The following NAT8L variants were observed in gnomAD, a reference collection of about 807,000 sequenced individuals.
NAT8L encodes the protein aspartate N-acetyltransferase, also known as N-acetylaspartate synthetase.
A neutral mutation model predicts 21.2 loss-of-function variants in NAT8L; 6 were observed. That is an observed-to-expected ratio of 0.28 (90% confidence interval 0.16 to 0.56). NAT8L has a LOEUF of 0.56. Ranked by LOEUF, NAT8L falls within the 20% of genes least tolerant of loss-of-function variation. The pLI, the probability that NAT8L is intolerant of heterozygous loss-of-function variation, is 0.93. For synonymous variants in NAT8L, 239 were observed against 204.9 expected, an observed-to-expected ratio of 1.17 and a Z score of -1.42; for missense variants, 331 against 433.3, an observed-to-expected ratio of 0.76 and a Z score of 2.10.
rs1729847524 is a variant in NAT8L at position 2,061,041 on chromosome 4, G to A, written c.420G>A (p.Leu140=). ...GCCGCTCGCTGCTGCTGACGTGCCT[G>A]GTGCCGGCCGCGCTGCTGGGCCTGC... ...AVSRSLLLTC[L]VPAALLGLRY... The change falls in exon 2 of 3, where the codon CTG becomes CTA. Residue 140 remains leucine, a synonymous_variant. Transcript: ENST00000423729. The A allele has an allele frequency of 6.3e-7, 1 of 1,588,424 alleles. No homozygotes were observed. The highest frequency in any genetic ancestry group is 1.3e-5 in the African/African-American group (1 of 74,096).
Position 2,061,089 on chromosome 4 carries a change from G to C in NAT8L, c.468G>C (p.Val156=), listed in dbSNP as rs543109424. 6 of 1,610,956 alleles carry C rather than the reference G, an allele frequency of 3.7e-6. No individual in the cohort carries two copies. The highest frequency in any genetic ancestry group is 1.3e-5 in the African/African-American group (1 of 74,994). ...TGCGCTACTACTACAGCCGCAAGGT[G>C]ATCCGCGCCTACCTGGAGTGCGCGC... is the stretch of plus-strand genomic sequence containing the variant. The part of the protein sequence containing the change: ...LGLRYYYSRK[V]IRAYLECALH... Residue 156 remains valine (V), a synonymous_variant, in exon 2 of 3, where the codon GTG becomes GTC. Coordinates refer to ENST00000423729, the MANE Select transcript of NAT8L (RefSeq NM_178557.4).
intron 2 of NAT8L, among the ~76,000 whole-genome samples, chr4:2,062,075 T>C (rs1729904670): frequency 6.6e-6 from 1 of 151,984 alleles, no homozygotes. Context: ...AAACGGGCCA[T>C]GAGGAAGCAC....
At position 2,060,091 on chromosome 4, in the gene NAT8L, G is replaced by A. The variant is rs1048552051; in HGVS notation, c.376+204G>A. ...CCCGAGCGGGCCGGAGCCGGGGAGG[G>A]TCCGGGGTCCGCACCTGCGTCCCCG... On this transcript the variant is annotated intron_variant, in intron 1 of 2. Coordinates refer to ENST00000423729, the MANE Select transcript of NAT8L (RefSeq NM_178557.4). This position sits in a 1 kb window ranked among gnomAD's most constrained non-coding sequence, Gnocchi z 4.7. Among the ~76,000 whole-genome samples the A allele has an allele frequency of 6.6e-6, 1 of 151,832 alleles. No homozygotes were observed. Among genetic ancestry groups the A allele is most frequent in the Admixed American group, 6.6e-5 (1 of 15,264 alleles).
At position 2,059,376 on chromosome 4, in the gene NAT8L, TGCCGCCGCC is replaced by T. The variant is rs903081255; in HGVS notation, c.-124_-116del. On this transcript the variant is annotated 5_prime_UTR_variant, in exon 1 of 3. Transcript: ENST00000423729. The surrounding 1 kb of genome is among the most constrained non-coding windows in gnomAD (Gnocchi z 4.8). ...CCGCCTCCGCCCCGCGCCCCTGAGC[TGCCGCCGCC>T]GCCGCCGCCGCTGCCGCCGCCGCCG... The T allele has an allele frequency of 1.8e-5, 3 of 163,712 alleles. No individual in the cohort carries two copies. The highest frequency in any genetic ancestry group is 3.6e-5 in the Non-Finnish European group (3 of 84,360). The allele number at this position is 163,712 out of a possible 1,614,324, so 10.1% of individuals were successfully genotyped here.
chr4:2,060,859 T>C lies in NAT8L; in HGVS notation c.377-139T>C, dbSNP rs1027457040. On this transcript the variant is annotated intron_variant, in intron 1 of 2. Transcript: ENST00000423729. This position sits in a 1 kb window ranked among gnomAD's most constrained non-coding sequence, Gnocchi z 4.7. ...CAGGAAGCTTGGAAATAGGGAGAAGTAGAAAGCACCCGAGATGACCCCGGC... is the reference window on the plus strand; with the variant it reads ...CAGGAAGCTTGGAAATAGGGAGAAGCAGAAAGCACCCGAGATGACCCCGGC... 3 of 452,146 alleles carry C rather than the reference T, an allele frequency of 6.6e-6. No homozygotes were observed. Among genetic ancestry groups the C allele is most frequent in the South Asian group, 3.6e-5 (1 of 27,766 alleles). The allele number at this position is 452,146 out of a possible 1,614,324, so 28.0% of individuals were successfully genotyped here. A position where few individuals can be genotyped will look rare whatever the true frequency, so the allele number is the denominator to read the frequency against.
chr4:2,064,177 C>T lies in NAT8L; in HGVS notation c.*50C>T, dbSNP rs1228713478. 9 of 1,207,766 alleles carry T rather than the reference C, an allele frequency of 7.5e-6. No homozygotes were observed. The highest frequency in any genetic ancestry group is 8.3e-6 in the Non-Finnish European group (8 of 965,992). The allele number at this position is 1,207,766 out of a possible 1,614,324, so 74.8% of individuals were successfully genotyped here. A position where few individuals can be genotyped will look rare whatever the true frequency, so the allele number is the denominator to read the frequency against. On this transcript the variant is annotated 3_prime_UTR_variant, in exon 3 of 3. Coordinates refer to ENST00000423729, the MANE Select transcript of NAT8L (RefSeq NM_178557.4). ...CCCCGGCCGCCCTGTCCGCCTTTGC[C>T]CGCCTGCCCGCCGCCCGGCGCGGCC...
At position 2,060,170 on chromosome 4, in the gene NAT8L, G is replaced by GTGGCCCC. The variant is rs1176614068; in HGVS notation, c.376+286_376+287insCCCCTGG. On this transcript the variant is annotated intron_variant, in intron 1 of 2. Transcript: ENST00000423729. This position sits in a 1 kb window ranked among gnomAD's most constrained non-coding sequence, Gnocchi z 4.7. Reference sequence around the variant, plus strand: ...CCCTGTCCCCTCCCGGGCATCCTGGGTGGGGGCGGGTGCCAGGGCAGGTAG... The same window carrying GTGGCCCC: ...CCCTGTCCCCTCCCGGGCATCCTGGGTGGCCCCTGGGGGCGGGTGCCAGGGCAGGTAG... Among the ~76,000 whole-genome samples the GTGGCCCC allele has an allele frequency of 1.3e-5, 2 of 152,044 alleles. No individual in the cohort carries two copies. Among genetic ancestry groups the GTGGCCCC allele is most frequent in the African/African-American group, 4.8e-5 (2 of 41,442 alleles).
intron 2 of NAT8L, among the ~76,000 whole-genome samples, 184 bp from the exon 3 acceptor site, chr4:2,063,576 C>G (rs911733542): frequency 1.3e-5 from 2 of 152,214 alleles, no homozygotes; most frequent in African/African-American, 4.8e-5. Flanking sequence ...AGTGGCTGCC[C>G]CCTCCCTTGG....
rs915792210 is a variant in NAT8L at position 2,064,136 on chromosome 4, G to A, written c.*9G>A. The A allele has an allele frequency of 2.9e-5, 44 of 1,535,168 alleles. No homozygotes were observed. Among genetic ancestry groups the A allele is most frequent in the East Asian group, 2.5e-4 (10 of 40,638 alleles). On this transcript the variant is annotated 3_prime_UTR_variant, in exon 3 of 3. Coordinates refer to ENST00000423729, the MANE Select transcript of NAT8L (RefSeq NM_178557.4). ...AGCTGCGCGAGGAGTGACCGCCGCC[G>A]CTCGCCCGCCCGCCCCCCCGGCCGC...
At chr4:2,061,821 C>T (rs1332280847) in intron 2 of NAT8L, among the ~76,000 whole-genome samples, 1 of 152,124 alleles carries the variant, frequency 6.6e-6, no homozygotes, top group African/African-American at 2.4e-5. Context: ...GGGTGGGAGG[C>T]TCTCTGCGAT....
At position 2,060,328 on chromosome 4, in the gene NAT8L, G is replaced by C. The variant is rs911281159; in HGVS notation, c.376+441G>C. 7.2e-5 allele frequency among the ~76,000 whole-genome samples: 11 copies of C among 152,212 alleles called. No individual in the cohort carries two copies. Among genetic ancestry groups the C allele is most frequent in the Non-Finnish European group, 1.6e-4 (11 of 68,022 alleles). ...GGGGGTGCGCGCGCCTGGCACAGCC[G>C]GGGCGGTCGCAGAGGGCGGCCCCTT... On this transcript the variant is annotated intron_variant, in intron 1 of 2. Transcript: ENST00000423729. This position sits in a 1 kb window ranked among gnomAD's most constrained non-coding sequence, Gnocchi z 4.7.
chr4:2,061,199 C>T (rs1303264389), intron 2 of NAT8L, 37 bp downstream of exon 2: 1 of 1,609,244 alleles, frequency 6.2e-7, no homozygotes, highest in East Asian at 2.2e-5. Flanking sequence ...ACCTCCGCCC[C>T]AGACAGCCCT....
rs1321586270 is a variant in NAT8L, at chr4:2,059,339, C to CCCGG, written c.-169_-166dup. ...ATGCGGCGCAGCTCCCTGCGCGCGC[C>CCCGG]CCGGCCGCCCGCCGCCTCCGCCCCG... On this transcript the variant is annotated 5_prime_UTR_variant, in exon 1 of 3. Transcript: ENST00000423729. This position sits in a 1 kb window ranked among gnomAD's most constrained non-coding sequence, Gnocchi z 4.8. Among the ~76,000 whole-genome samples, 2 of 145,152 alleles carry CCCGG rather than the reference C, an allele frequency of 1.4e-5. No homozygotes were observed. The highest frequency in any genetic ancestry group is 4.9e-5 in the African/African-American group (2 of 40,582).
At position 2,059,634 on chromosome 4, in the gene NAT8L, G is replaced by A. The variant is rs1729812218; in HGVS notation, c.123G>A (p.Pro41=). The A allele has an allele frequency of 1.0e-6, 1 of 971,386 alleles. No homozygotes were observed. Among genetic ancestry groups the A allele is most frequent in the South Asian group, 4.6e-5 (1 of 21,860 alleles). The allele number at this position is 971,386 out of a possible 1,614,324, so 60.2% of individuals were successfully genotyped here. ...LLAAAGAMWP[P]LPAAPGPAAA... ...CCGCCGCCGGCGCCATGTGGCCCCC[G>A]CTGCCCGCCGCGCCCGGGCCGGCCG... The change falls in exon 1 of 3, where the codon CCG becomes CCA. Residue 41 remains proline, a synonymous_variant. Transcript: ENST00000423729. This position sits in a 1 kb window ranked among gnomAD's most constrained non-coding sequence, Gnocchi z 4.8.
In NAT8L at chr4:2,068,322, T is replaced by C. The variant is rs560099497; in HGVS notation, c.*4195T>C. ...GCACGTGTATAGATGTACGTGTGTG[T>C]GCGCATGTGTGCGTGTACATGTGTT... On this transcript the variant is annotated 3_prime_UTR_variant, in exon 3 of 3. Transcript: ENST00000423729. 5.3e-5 allele frequency: 8 copies of C among 152,302 alleles called. No homozygotes were observed. Among genetic ancestry groups the C allele is most frequent in the East Asian group, 1.9e-4 (1 of 5,206 alleles). 9.4% of individuals were successfully genotyped at this position (152,302 alleles called of 1,614,324 possible).
In NAT8L at chr4:2,066,065, C is replaced by T. The variant is rs779542824; in HGVS notation, c.*1938C>T. 5.2e-5 allele frequency: 8 copies of T among 152,568 alleles called. No individual in the cohort carries two copies. The highest frequency in any genetic ancestry group is 6.5e-5 in the Admixed American group (1 of 15,274). 9.5% of individuals were successfully genotyped at this position (152,568 alleles called of 1,614,324 possible). A position where few individuals can be genotyped will look rare whatever the true frequency, so the allele number is the denominator to read the frequency against. On this transcript the variant is annotated 3_prime_UTR_variant, in exon 3 of 3. Transcript: ENST00000423729. ...TCATGTCGGGGTGCTGCCAGCGTCC[C>T]TTGGTCCTGTGCCTTTGGAGCCTCG...
At chr4:2,063,694 C>T in intron 2 of NAT8L, 66 bp from the exon 3 acceptor site, 1 of 1,600,046 alleles carries the variant, frequency 6.2e-7, no homozygotes, top group African/African-American at 1.3e-5. Flanking sequence ...CCTGTCTCAC[C>T]CCAGAGGTGG....
rs1269349605 is a variant in NAT8L at position 2,059,945 on chromosome 4, G to A, written c.376+58G>A. On this transcript the variant is annotated intron_variant, in intron 1 of 2. Transcript: ENST00000423729. The surrounding 1 kb of genome is among the most constrained non-coding windows in gnomAD (Gnocchi z 4.8). ...CCTCGGGCCGGCGCGGAGCTCCCCC[G>A]CCCCGGCGTCCACGCGGACCCCGCG... 1.9e-6 allele frequency: 2 copies of A among 1,028,658 alleles called. No homozygotes were observed. The highest frequency in any genetic ancestry group is 1.2e-6 in the Non-Finnish European group (1 of 830,098). 63.7% of individuals were successfully genotyped at this position (1,028,658 alleles called of 1,614,324 possible). A position where few individuals can be genotyped will look rare whatever the true frequency, so the allele number is the denominator to read the frequency against.
rs369480209 is a variant in NAT8L at position 2,061,093 on chromosome 4, C to T, written c.472C>T (p.Arg158Cys). The change falls in exon 2 of 3, where the codon CGC (arginine) becomes TGC (cysteine). Residue 158 changes from arginine (R) to cysteine (C), a missense_variant. This residue lies in a region of NAT8L where 132 missense variants were observed against 237.1 expected (regional missense o/e 0.56). Transcript: ENST00000423729. ...CTACTACTACAGCCGCAAGGTGATC[C>T]GCGCCTACCTGGAGTGCGCGCTGCA... is the stretch of plus-strand genomic sequence containing the variant. Reference protein sequence around the residue: ...LRYYYSRKVIRAYLECALHTD... With the variant: ...LRYYYSRKVICAYLECALHTD... The T allele has an allele frequency of 2.5e-6, 4 of 1,610,968 alleles. No homozygotes were observed. Among genetic ancestry groups the T allele is most frequent in the African/African-American group, 1.3e-5 (1 of 74,882 alleles).
Sources: allele counts gnomAD v4.1 joint callset (sites outside exome capture counted in the v4.1 genomes callset), GRCh38; gene constraint gnomAD v4.1.1; regional missense constraint gnomAD v4.1.1; non-coding constraint Gnocchi (gnomAD v3.1); transcripts MANE v1.5; gene names NCBI Gene and HGNC (gene_info 2026-07-23, HGNC 2026-07-21).